The following KAZN variants were observed in gnomAD, a reference collection of about 807,000 sequenced individuals.
KAZN encodes kazrin.
Under a neutral mutation model 87.4 loss-of-function variants are expected in KAZN, and 40 were observed. The observed-to-expected ratio is 0.46, with a 90% CI of 0.36 to 0.60. The LOEUF is 0.60. KAZN is among the 20% of genes least tolerant of loss of function. The pLI, the probability that KAZN is intolerant of heterozygous loss-of-function variation, is 0.00. For missense variants in KAZN, 898 were observed against 1,073.9 expected, an observed-to-expected ratio of 0.84 and a Z score of 2.29; for synonymous variants, 466 against 458.3, an observed-to-expected ratio of 1.02 and a Z score of -0.22.
chr1:14,597,087 T>C (rs1676556477), upstream of KAZN, among the ~76,000 whole-genome samples: 1 of 152,168 alleles, frequency 6.6e-6, no homozygotes, highest in African/African-American at 2.4e-5. Context: ...GCTCTCCCCA[T>C]AACGTAACTG....
intron 2 of KAZN, among the ~76,000 whole-genome samples, chr1:15,003,353 G>C (rs1668691541): frequency 6.6e-6 from 1 of 152,134 alleles, no homozygotes; most frequent in Non-Finnish European, 1.5e-5. Context: ...TCAGGGGTGT[G>C]GGTCAAAATC....
chr1:14,596,993 TC>T (rs1216677814), upstream of KAZN, among the ~76,000 whole-genome samples: 1 of 152,224 alleles, frequency 6.6e-6, no homozygotes, highest in African/African-American at 2.4e-5. Flanking sequence ...GTTTAACTGT[TC>T]AAGGAACTGC....
At chr1:14,260,171 T>C (rs1443272172) in intron 2 of KAZN, among the ~76,000 whole-genome samples, 4 of 152,332 alleles carry the variant, frequency 2.6e-5, no homozygotes, top group Middle Eastern at 3.4e-3. Flanking sequence ...TCCTGTGATA[T>C]GCCAGGCACT....
intron 1 of KAZN, among the ~76,000 whole-genome samples, chr1:14,806,754 G>A (rs1370224511): frequency 2.6e-5 from 4 of 152,158 alleles, no homozygotes; most frequent in Non-Finnish European, 5.9e-5. Context: ...AGCTTGAGAG[G>A]GGCTTATTGG....
chr1:15,031,686 C>T (rs1671723785), intron 2 of KAZN, among the ~76,000 whole-genome samples: 1 of 152,128 alleles, frequency 6.6e-6, no homozygotes, highest in African/African-American at 2.4e-5. Flanking sequence ...TCACTGCAGC[C>T]TCAACCTCCT....
intron 2 of KAZN, among the ~76,000 whole-genome samples, chr1:14,999,070 C>G (rs1668192817): frequency 6.6e-6 from 1 of 152,166 alleles, no homozygotes; most frequent in Non-Finnish European, 1.5e-5. Flanking sequence ...CCTGTGATCC[C>G]AGCTACTTAG....
At chr1:14,809,054 C>T (rs141724583) in intron 1 of KAZN, among the ~76,000 whole-genome samples, 1 of 152,300 alleles carries the variant, frequency 6.6e-6, no homozygotes, top group Non-Finnish European at 1.5e-5. Context: ...GAATCTTTCT[C>T]AGAAATTCCT....
At chr1:14,700,367 G>T (rs1263184593) in intron 1 of KAZN, among the ~76,000 whole-genome samples, 1 of 152,018 alleles carries the variant, frequency 6.6e-6, no homozygotes, top group Non-Finnish European at 1.5e-5. Flanking sequence ...AGCTACTCAG[G>T]AGACTGAGGA....
intron 2 of KAZN, among the ~76,000 whole-genome samples, chr1:14,511,330 A>T (rs149482782): frequency 6.6e-6 from 1 of 152,324 alleles, no homozygotes; most frequent in East Asian, 1.9e-4. Flanking sequence ...TAAGAGAGAC[A>T]CATATTGGAG....
At chr1:14,208,938 A>T (rs1646798273) in intron 2 of KAZN, among the ~76,000 whole-genome samples, 1 of 152,208 alleles carries the variant, frequency 6.6e-6, no homozygotes, top group African/African-American at 2.4e-5. Flanking sequence ...ACATTCCTGC[A>T]TTCTTACTTT....
intron 2 of KAZN, among the ~76,000 whole-genome samples, chr1:14,974,287 A>T (rs1445083159): frequency 6.6e-6 from 1 of 152,202 alleles, no homozygotes; most frequent in African/African-American, 2.4e-5. Context: ...TATAAAAGGC[A>T]TGTGGCATGG....
chr1:14,587,561 T>C (rs1675931499), intron 2 of KAZN, among the ~76,000 whole-genome samples: 1 of 149,808 alleles, frequency 6.7e-6, no homozygotes, highest in Non-Finnish European at 1.5e-5. Context: ...GAAGGCAAAG[T>C]GGGAGCAGGC....
chr1:14,966,048 C>T (rs12045828), intron 2 of KAZN, among the ~76,000 whole-genome samples: 25,184 of 145,378 alleles, frequency 0.17, 2,270 homozygotes, highest in African/African-American at 0.21. Context: ...GGCGTGACCT[C>T]GGCTCACTGC....
At chr1:14,880,173 G>A (rs1016634410) in intron 1 of KAZN, among the ~76,000 whole-genome samples, 12 of 152,254 alleles carry the variant, frequency 7.9e-5, no homozygotes, top group African/African-American at 2.9e-4. Flanking sequence ...ATCAAATTCT[G>A]AGCTGATGAT....
chr1:14,232,735 A>G (rs1234480401), intron 2 of KAZN, among the ~76,000 whole-genome samples: 2 of 152,124 alleles, frequency 1.3e-5, no homozygotes, highest in Non-Finnish European at 2.9e-5. Flanking sequence ...TTCCCCTCTT[A>G]TAATTAGTTT....
At chr1:14,066,080 T>C (rs1642997513) in intron 1 of KAZN, among the ~76,000 whole-genome samples, 1 of 152,210 alleles carries the variant, frequency 6.6e-6, no homozygotes, top group South Asian at 2.1e-4. Flanking sequence ...ATATACAGTA[T>C]TTGGTTTTCC....
intron 2 of KAZN, among the ~76,000 whole-genome samples, chr1:15,012,423 G>A (rs145774660): frequency 6.2e-4 from 94 of 152,278 alleles, no homozygotes; most frequent in African/African-American, 2.2e-3. Context: ...TAAGGATGGG[G>A]GGTTGGAGAA....
chr1:14,361,816 G>C (rs913587312), intron 2 of KAZN, among the ~76,000 whole-genome samples: 8 of 152,332 alleles, frequency 5.3e-5, no homozygotes, highest in Admixed American at 1.3e-4. Flanking sequence ...CTGCAGACCA[G>C]AGTTGTTCCT....
At chr1:14,200,314 A>G (rs1483515082) in intron 2 of KAZN, among the ~76,000 whole-genome samples, 1 of 152,234 alleles carries the variant, frequency 6.6e-6, no homozygotes, top group Non-Finnish European at 1.5e-5. Context: ...AGTACACAGA[A>G]ATATTAACAG....
Sources: allele counts gnomAD v4.1 joint callset (sites outside exome capture counted in the v4.1 genomes callset), GRCh38; gene constraint gnomAD v4.1.1; transcripts MANE v1.5; gene names NCBI Gene and HGNC (gene_info 2026-07-23, HGNC 2026-07-21).